Variants in CBLB observed in about 807,000 individuals in gnomAD.
CBLB encodes the protein E3 ubiquitin-protein ligase CBL-B.
CBLB carries 31 observed loss-of-function variants against 104.9 expected under a neutral mutation model. The ratio of observed to expected loss-of-function variants is 0.30; its 90% CI spans 0.22 to 0.40. The LOEUF (loss-of-function observed/expected upper bound fraction) is 0.40. Among genes scored for constraint, CBLB ranks in the 10% least tolerant of loss-of-function variants. The probability of loss-of-function intolerance (pLI) is 1.00; values close to 1 mark genes in which losing one functional copy is unlikely to be tolerated. For synonymous variants in CBLB, 440 were observed against 422.6 expected (o/e 1.04, Z -0.51); for missense variants, 1,062 against 1,214.6 (o/e 0.87, Z 1.87).
At chr3:105,842,982 T>C (rs1193321306) in intron 3 of CBLB, among the ~76,000 whole-genome samples, 3 of 152,232 alleles carry the variant, frequency 2.0e-5, no homozygotes, top group Non-Finnish European at 4.4e-5. Context: ...AGCCAAGGGT[T>C]GGCGAAGGAC....
At chr3:105,771,991 C>T (rs943281686) in intron 4 of CBLB, among the ~76,000 whole-genome samples, 1 of 152,074 alleles carries the variant, frequency 6.6e-6, no homozygotes, top group Non-Finnish European at 1.5e-5. Flanking sequence ...ATCAAAATAC[C>T]ATCAACATTC....
At chr3:105,855,268 G>A (rs1440895066) in intron 2 of CBLB, among the ~76,000 whole-genome samples, 1 of 152,194 alleles carries the variant, frequency 6.6e-6, no homozygotes, top group African/African-American at 2.4e-5. Flanking sequence ...GGGAGGGGAA[G>A]AAATGGAGAG....
intron 4 of CBLB, among the ~76,000 whole-genome samples, chr3:105,759,337 G>A (rs902957389): frequency 1.3e-5 from 2 of 152,196 alleles, no homozygotes; most frequent in Non-Finnish European, 2.9e-5. Context: ...CACTCCCACT[G>A]TGAACTCCAC....
intron 9 of CBLB, among the ~76,000 whole-genome samples, chr3:105,727,170 CA>C (rs2073765354): frequency 1.3e-5 from 2 of 152,208 alleles, no homozygotes; most frequent in East Asian, 3.8e-4. Flanking sequence ...CTCTCATCAA[CA>C]GTGTAAAAGC....
chr3:105,662,517 G>A (rs13083716), intron 18 of CBLB, among the ~76,000 whole-genome samples: 39,300 of 151,934 alleles, frequency 0.26, 5,240 homozygotes, highest in Admixed American at 0.27. Flanking sequence ...AATTGCAGTG[G>A]TATCAAAATA....
At chr3:105,702,722 T>C (rs1195794924) in intron 11 of CBLB, among the ~76,000 whole-genome samples, 4 of 152,006 alleles carry the variant, frequency 2.6e-5, no homozygotes, top group Admixed American at 6.6e-5. Flanking sequence ...GTTATAGAAA[T>C]GATACAGAAA....
At chr3:105,785,369 A>G (rs1189858002) in intron 3 of CBLB, among the ~76,000 whole-genome samples, 1 of 152,232 alleles carries the variant, frequency 6.6e-6, no homozygotes, top group Non-Finnish European at 1.5e-5. Flanking sequence ...TTGACTTTCA[A>G]TTAGAAAAAT....
intron 3 of CBLB, among the ~76,000 whole-genome samples, chr3:105,851,580 C>T (rs1362053002): frequency 2.6e-5 from 4 of 152,146 alleles, no homozygotes; most frequent in African/African-American, 7.2e-5. Context: ...TAACACACTA[C>T]ACCAATGCAA....
Position 105,868,967 on chromosome 3 carries a change from G to A in CBLB, c.-246C>T. 1 of 1,021,708 alleles carries A rather than the reference G, an allele frequency of 9.8e-7. No homozygotes were observed. The highest frequency in any genetic ancestry group is 1.2e-6 in the Non-Finnish European group (1 of 853,366). The allele number at this position is 1,021,708 out of a possible 1,614,324, so 63.3% of individuals were successfully genotyped here. Reference sequence around the variant, plus strand: ...TCCCGCCCGACTCGGGGAGGCCGCGGGACGCCGCAGCAGCACTAGCAGGAG... The same window carrying A: ...TCCCGCCCGACTCGGGGAGGCCGCGAGACGCCGCAGCAGCACTAGCAGGAG... On this transcript the variant is annotated 5_prime_UTR_variant, in exon 1 of 19. Coordinates refer to ENST00000394030, the MANE Select transcript of CBLB (RefSeq NM_170662.5).
intron 3 of CBLB, among the ~76,000 whole-genome samples, chr3:105,829,417 G>C (rs1560433347): frequency 6.6e-6 from 1 of 151,866 alleles, no homozygotes; most frequent in Non-Finnish European, 1.5e-5. Context: ...TTGACGCTTT[G>C]GGAGGCCAAG....
At chr3:105,843,635 A>G (rs1188834927) in intron 3 of CBLB, among the ~76,000 whole-genome samples, 1 of 152,176 alleles carries the variant, frequency 6.6e-6, no homozygotes, top group Non-Finnish European at 1.5e-5. Context: ...TTATATCAAT[A>G]AATACAAAAA....
chr3:105,803,966 A>AGTCT (rs2153023482), intron 3 of CBLB, among the ~76,000 whole-genome samples: 1 of 152,150 alleles, frequency 6.6e-6, no homozygotes, highest in East Asian at 1.9e-4. Flanking sequence ...TTCACTCAGG[A>AGTCT]GTCTGTGTGC....
At chr3:105,708,788 A>T (rs1434213673) in intron 10 of CBLB, among the ~76,000 whole-genome samples, 1 of 152,076 alleles carries the variant, frequency 6.6e-6, no homozygotes, top group Non-Finnish European at 1.5e-5. Context: ...GCATTATAAA[A>T]TAAATGCTGA....
At chr3:105,792,353 G>A (rs1463353932) in intron 3 of CBLB, among the ~76,000 whole-genome samples, 2 of 152,102 alleles carry the variant, frequency 1.3e-5, no homozygotes, top group South Asian at 2.1e-4. Flanking sequence ...CCTCCCAAGT[G>A]GGGAGGCTGC....
intron 3 of CBLB, among the ~76,000 whole-genome samples, chr3:105,791,763 C>T (rs565164405): frequency 3.3e-5 from 5 of 152,318 alleles, no homozygotes; most frequent in African/African-American, 7.2e-5. Context: ...TACAGTACCA[C>T]ATGGGGATAT....
chr3:105,676,439 A>G (rs2065652923), intron 17 of CBLB, among the ~76,000 whole-genome samples: 2 of 152,164 alleles, frequency 1.3e-5, no homozygotes, highest in Admixed American at 6.6e-5. Context: ...TAGCTCTTGG[A>G]AAGCTTGACT....
At position 105,665,757 on chromosome 3, in the gene CBLB, G is replaced by A. The variant is rs566075622; in HGVS notation, c.2689+4476C>T. ...TTTATATATCTGTATCTGGCTGGGC[G>A]TGGTGACTCATGCCTGTAATCCCAG... On this transcript the variant is annotated intron_variant, in intron 18 of 18. Coordinates refer to ENST00000394030, the MANE Select transcript of CBLB (RefSeq NM_170662.5). 5.3e-5 allele frequency among the ~76,000 whole-genome samples: 8 copies of A among 150,764 alleles called. No homozygotes were observed. In the South Asian group the frequency reaches 8.4e-4, roughly 16 times the overall value.
Position 105,764,296 on chromosome 3 carries a change from A to G in CBLB, c.566+12100T>C, listed in dbSNP as rs140884668. Reference sequence around the variant, plus strand: ...CCAGGTATATAATATAAATTAGTAAAGATGTCCAGGAAAGGATTGTGATGA... The same window carrying G: ...CCAGGTATATAATATAAATTAGTAAGGATGTCCAGGAAAGGATTGTGATGA... On this transcript the variant is annotated intron_variant, in intron 4 of 18. Transcript: ENST00000394030. Among the ~76,000 whole-genome samples the G allele has an allele frequency of 1.2e-4, 19 of 152,334 alleles. No homozygotes were observed. In the East Asian group the frequency reaches 3.5e-3, roughly 28 times the overall value.
At chr3:105,844,087 T>C (rs922265296) in intron 3 of CBLB, among the ~76,000 whole-genome samples, 2 of 152,152 alleles carry the variant, frequency 1.3e-5, no homozygotes, top group Admixed American at 1.3e-4. Context: ...GACACACACG[T>C]ACATACACAG....
Sources: gnomAD v4.1 joint callset for allele counts (sites outside exome capture counted in the v4.1 genomes callset) on GRCh38, gnomAD v4.1.1 for gene constraint, MANE v1.5 for transcripts, NCBI Gene and HGNC (gene_info 2026-07-23, HGNC 2026-07-21) for gene names.